PKHD1: variants seen among roughly 807,000 people sequenced by gnomAD.
PKHD1 encodes the protein PKHD1 ciliary IPT domain containing fibrocystin/polyductin.
Under a neutral mutation model 412.0 loss-of-function variants are expected in PKHD1, and 291 were observed. That is an observed-to-expected ratio of 0.71 (90% CI 0.64 to 0.78). The LOEUF (loss-of-function observed/expected upper bound fraction) is 0.78. PKHD1 is among the 30% of genes least tolerant of loss of function. The pLI is 0.00. For missense variants in PKHD1, 4,825 were observed against 4,950.7 expected (o/e 0.97, Z 0.76); for synonymous variants, 1,777 against 1,821.5 (o/e 0.98, Z 0.62).
intron 66 of PKHD1, among the ~76,000 whole-genome samples, chr6:51,624,219 C>T (rs1383944894): frequency 6.6e-6 from 1 of 152,128 alleles, no homozygotes; most frequent in East Asian, 1.9e-4. Flanking sequence ...CCATACCAGG[C>T]TCTTCATCTT....
chr6:51,640,672 A>G (rs1581790721), intron 63 of PKHD1, among the ~76,000 whole-genome samples: 1 of 152,164 alleles, frequency 6.6e-6, no homozygotes, highest in African/African-American at 2.4e-5. Flanking sequence ...GATAGTTTCT[A>G]AAATACCTTT....
At position 52,025,050 on chromosome 6, in the gene PKHD1, C is replaced by T; in HGVS notation, c.4760G>A (p.Gly1587Asp). ...HYFPKNFSLH[G>D]GSLLTIEGTG... The stretch of plus-strand genomic sequence containing the variant: ...GCCCTCTATGGTCAAGAGGCTTCCA[C>T]CATGTAAGCTGAAATTCTTAGGAAA... Residue 1587 changes from glycine to aspartate, a missense_variant, in exon 32 of 67, where the codon GGT (glycine) becomes GAT (aspartate). Transcript: ENST00000371117. 1 of 1,614,130 alleles carries T rather than the reference C, an allele frequency of 6.2e-7. No individual in the cohort carries two copies. The highest frequency in any genetic ancestry group is 1.3e-5 in the African/African-American group (1 of 75,018).
chr6:52,048,134 C>T (rs1356122035), intron 23 of PKHD1, among the ~76,000 whole-genome samples: 1 of 152,158 alleles, frequency 6.6e-6, no homozygotes, highest in Admixed American at 6.5e-5. Context: ...AGGAGTGTGG[C>T]CCTGCCGACA....
At position 51,662,981 on chromosome 6, in the gene PKHD1, G is replaced by GT. The variant is rs1041985383; in HGVS notation, c.10157-3013dup. On this transcript the variant is annotated intron_variant, in intron 60 of 66. Transcript: ENST00000371117. ...CTCCTTTTTTTAACCTTCACATTGTGTTTTTTTCCCTGTGATTATATCATA... is the reference window on the plus strand; with the variant it reads ...CTCCTTTTTTTAACCTTCACATTGTGTTTTTTTTCCCTGTGATTATATCATA... Among the ~76,000 whole-genome samples the GT allele has an allele frequency of 4.6e-5, 7 of 151,796 alleles. No homozygotes were observed. The East Asian group carries it at 9.7e-4, about 21-fold the overall frequency.
intron 43 of PKHD1, among the ~76,000 whole-genome samples, chr6:51,900,831 A>G (rs1178416676): frequency 6.6e-6 from 1 of 152,198 alleles, no homozygotes; most frequent in Non-Finnish European, 1.5e-5. Flanking sequence ...ACAAGAAAAA[A>G]ACAACCCCAT....
At chr6:51,665,148 G>A (rs918673307) in intron 60 of PKHD1, among the ~76,000 whole-genome samples, 7 of 151,826 alleles carry the variant, frequency 4.6e-5, no homozygotes, top group Admixed American at 1.3e-4. Flanking sequence ...TTCTACCCTA[G>A]GAAAAATACC....
At chr6:51,894,070 C>T (rs183969860) in intron 43 of PKHD1, among the ~76,000 whole-genome samples, 34 of 152,286 alleles carry the variant, frequency 2.2e-4, no homozygotes, top group African/African-American at 7.9e-4. Flanking sequence ...AGAATGAGAA[C>T]AGATTCACAC....
In PKHD1 at chr6:51,906,282, G is replaced by C. The variant is rs750190287; in HGVS notation, c.6741C>G (p.Cys2247Trp). 6.4e-5 allele frequency: 103 copies of C among 1,608,170 alleles called. No individual in the cohort carries two copies. The Admixed American group carries it at 1.7e-3, about 26-fold the overall frequency. ...RNSFSRGLSM[C>W]GTLGLKVDSN... Reference sequence around the variant, plus strand: ...TGTCCACCTTCAGGCCCAAGGTCCCGCACATGCTGAGGCCTCTACTGAAGG... The same window carrying C: ...TGTCCACCTTCAGGCCCAAGGTCCCCCACATGCTGAGGCCTCTACTGAAGG... Residue 2247 changes from cysteine (C) to tryptophan (W), a missense_variant, in exon 41 of 67, where the codon TGC (cysteine) becomes TGG (tryptophan). Physicochemically the swap from Cys to Trp is radical, Grantham distance 215. Transcript: ENST00000371117.
chr6:52,001,819 C>T (rs1233655566), intron 35 of PKHD1, among the ~76,000 whole-genome samples: 4 of 152,226 alleles, frequency 2.6e-5, no homozygotes, highest in African/African-American at 4.8e-5. Context: ...CTCTTTCACA[C>T]GGCAAGTTCT....
chr6:51,666,352 TA>T (rs1773772064), intron 60 of PKHD1, among the ~76,000 whole-genome samples: 1 of 152,182 alleles, frequency 6.6e-6, no homozygotes, highest in Non-Finnish European at 1.5e-5. Context: ...TCCTATATTT[TA>T]TTGTAACTGT....
intron 60 of PKHD1, among the ~76,000 whole-genome samples, chr6:51,717,893 T>C (rs1447274613): frequency 2.6e-5 from 4 of 152,322 alleles, no homozygotes; most frequent in Non-Finnish European, 4.4e-5. Flanking sequence ...GCCAGTGACG[T>C]AGGCAAAGGC....
intron 61 of PKHD1, among the ~76,000 whole-genome samples, chr6:51,651,622 G>C (rs1282226555): frequency 6.6e-6 from 1 of 152,096 alleles, no homozygotes; most frequent in African/African-American, 2.4e-5. Flanking sequence ...GGCTCCTTTT[G>C]CATTTAATAT....
At chr6:51,979,040 C>T (rs1010487494) in intron 35 of PKHD1, among the ~76,000 whole-genome samples, 6 of 152,172 alleles carry the variant, frequency 3.9e-5, no homozygotes, top group Non-Finnish European at 7.3e-5. Context: ...TTACCAAACA[C>T]CAAAAATAGA....
At chr6:51,684,609 G>A (rs897863984) in intron 60 of PKHD1, among the ~76,000 whole-genome samples, 1 of 152,094 alleles carries the variant, frequency 6.6e-6, no homozygotes, top group African/African-American at 2.4e-5. Context: ...AGTTCACTAA[G>A]AAATGACTGT....
intron 52 of PKHD1, among the ~76,000 whole-genome samples, chr6:51,819,444 G>A (rs1037251738): frequency 6.6e-5 from 10 of 152,084 alleles, no homozygotes; most frequent in African/African-American, 2.4e-4. Flanking sequence ...CTAAATTGTT[G>A]CTTTTAGCCT....
rs1047249732 is a variant in PKHD1 at position 51,617,187 on chromosome 6, A to G, written c.*1894T>C. The stretch of plus-strand genomic sequence containing the variant: ...AGACTGCTACCATTTTATAAACCTC[A>G]AAAGCCTTCACTTCTGAAATGTTTT... On this transcript the variant is annotated 3_prime_UTR_variant, in exon 67 of 67. Transcript: ENST00000371117. 6.6e-6 allele frequency: 1 copy of G among 152,598 alleles called. No individual in the cohort carries two copies. The highest frequency in any genetic ancestry group is 2.4e-5 in the African/African-American group (1 of 41,484). The allele number at this position is 152,598 out of a possible 1,614,324, so 9.5% of individuals were successfully genotyped here.
intron 60 of PKHD1, among the ~76,000 whole-genome samples, chr6:51,743,266 G>C (rs998382372): frequency 6.6e-6 from 1 of 152,192 alleles, no homozygotes; most frequent in African/African-American, 2.4e-5. Context: ...AAAGGGAATG[G>C]TGAGGGTGGT....
chr6:51,839,361 G>C (rs1769777937), intron 50 of PKHD1, among the ~76,000 whole-genome samples: 1 of 152,146 alleles, frequency 6.6e-6, no homozygotes. Flanking sequence ...CCCCATTGTA[G>C]TTGATCCTTC....
At chr6:51,724,600 T>C (rs1371090300) in intron 60 of PKHD1, among the ~76,000 whole-genome samples, 1 of 152,216 alleles carries the variant, frequency 6.6e-6, no homozygotes, top group Non-Finnish European at 1.5e-5. Context: ...ATCTAATCTA[T>C]CTATATCTTG....
Sources: allele counts gnomAD v4.1 joint callset (sites outside exome capture counted in the v4.1 genomes callset), GRCh38; gene constraint gnomAD v4.1.1; transcripts MANE v1.5; gene names NCBI Gene and HGNC (gene_info 2026-07-23, HGNC 2026-07-21).